Variants in ATF2 observed in about 807,000 individuals in gnomAD.
ATF2 encodes the protein activating transcription factor 2, also known as cyclic AMP-dependent transcription factor ATF-2.
In ATF2, 24 loss-of-function variants were observed where a neutral mutation model predicts 60.6. The observed-to-expected ratio is 0.40, with a 90% CI of 0.29 to 0.56. The LOEUF (loss-of-function observed/expected upper bound fraction) is 0.56. ATF2 is among the 20% of genes least tolerant of loss of function. ATF2 has a pLI of 0.54. For missense variants in ATF2, 433 were observed against 607.7 expected (o/e 0.71, Z 3.02); for synonymous variants, 206 against 215.4 (o/e 0.96, Z 0.38).
At chr2:175,107,444 T>C (rs1480769264) in intron 10 of ATF2, among the ~76,000 whole-genome samples, 2 of 152,154 alleles carry the variant, frequency 1.3e-5, no homozygotes, top group African/African-American at 4.8e-5. Flanking sequence ...TGAAAATATA[T>C]GGCCATGAAA....
At chr2:175,163,136 A>T (rs1023259291) in intron 1 of ATF2, among the ~76,000 whole-genome samples, 1 of 115,176 alleles carries the variant, frequency 8.7e-6, no homozygotes, top group African/African-American at 3.5e-5. Flanking sequence ...TCTGTCTCAA[A>T]AAATAAATAA....
At chr2:175,133,488 G>A (rs1395995626) in intron 3 of ATF2, among the ~76,000 whole-genome samples, 1 of 152,154 alleles carries the variant, frequency 6.6e-6, no homozygotes, top group East Asian at 1.9e-4. Context: ...CTTGACAACA[G>A]TAGTTTATCA....
chr2:175,123,421 G>A (rs1189460453), intron 4 of ATF2, among the ~76,000 whole-genome samples: 3 of 152,006 alleles, frequency 2.0e-5, no homozygotes, highest in Non-Finnish European at 4.4e-5. Flanking sequence ...GTGAATGAAT[G>A]CATTTTGGTG....
At chr2:175,107,705 G>C (rs564155066) in intron 10 of ATF2, among the ~76,000 whole-genome samples, 156 of 152,344 alleles carry the variant, frequency 1.0e-3, no homozygotes, top group African/African-American at 3.4e-3. Context: ...GCCTGCGATT[G>C]CAGGCGCGCG....
At chr2:175,128,449 G>A (rs1056146917) in intron 4 of ATF2, among the ~76,000 whole-genome samples, 2 of 151,262 alleles carry the variant, frequency 1.3e-5, no homozygotes, top group Non-Finnish European at 2.9e-5. Flanking sequence ...GTGGTGAGCC[G>A]AGATTGTGCC....
At chr2:175,131,342 G>A (rs912160747) in intron 3 of ATF2, among the ~76,000 whole-genome samples, 7 of 152,080 alleles carry the variant, frequency 4.6e-5, no homozygotes, top group African/African-American at 9.7e-5. Context: ...TTAAACAAAC[G>A]GAAAATCATC....
intron 2 of ATF2, among the ~76,000 whole-genome samples, chr2:175,137,684 A>C (rs1698233580): frequency 6.6e-6 from 1 of 152,022 alleles, no homozygotes. Context: ...GCTCTAGAAA[A>C]ACTTTCAGAG....
chr2:175,153,678 A>G (rs1034311226), intron 1 of ATF2, among the ~76,000 whole-genome samples: 1 of 151,870 alleles, frequency 6.6e-6, no homozygotes, highest in African/African-American at 2.4e-5. Flanking sequence ...AAAATACAAA[A>G]AATTAGCCGG....
intron 5 of ATF2, among the ~76,000 whole-genome samples, chr2:175,118,697 A>T (rs896926089): frequency 2.0e-5 from 3 of 151,686 alleles, no homozygotes; most frequent in Non-Finnish European, 3.0e-5. Flanking sequence ...AGAATTTTTT[A>T]AATTTACATT....
chr2:175,094,388 A>T (rs936806500), intron 11 of ATF2, among the ~76,000 whole-genome samples: 1 of 136,092 alleles, frequency 7.3e-6, no homozygotes, highest in Admixed American at 7.9e-5. Context: ...AGCGAGACTC[A>T]GTCTCAAAAA....
chr2:175,078,618 T>C (rs1362659821), intron 13 of ATF2, among the ~76,000 whole-genome samples: 1 of 152,154 alleles, frequency 6.6e-6, no homozygotes, highest in African/African-American at 2.4e-5. Context: ...CTTCCACCTT[T>C]ACTTGAAAGA....
At chr2:175,145,498 T>C (rs1301154634) in intron 2 of ATF2, among the ~76,000 whole-genome samples, 1 of 152,240 alleles carries the variant, frequency 6.6e-6, no homozygotes, top group Non-Finnish European at 1.5e-5. Flanking sequence ...GCTGAGCAGA[T>C]GCCAGTGCCA....
At chr2:175,099,648 T>C (rs1695178237) in intron 10 of ATF2, among the ~76,000 whole-genome samples, 1 of 152,230 alleles carries the variant, frequency 6.6e-6, no homozygotes, top group Non-Finnish European at 1.5e-5. Context: ...CACAATGCAG[T>C]TGAGATTCAC....
At chr2:175,083,711 T>C (rs935196573) in intron 12 of ATF2, among the ~76,000 whole-genome samples, 13 of 152,180 alleles carry the variant, frequency 8.5e-5, no homozygotes, top group Admixed American at 5.2e-4. Context: ...ACAGGCAACC[T>C]ACAAAATGGA....
chr2:175,080,614 T>G (rs748984680), intron 13 of ATF2, 46 bp downstream of exon 13: 20 of 1,455,592 alleles, frequency 1.4e-5, no homozygotes, highest in East Asian at 2.3e-5. Context: ...TCTGACGGTA[T>G]TTCACTGACG....
chr2:175,084,295 A>G (rs977145203), intron 12 of ATF2, among the ~76,000 whole-genome samples: 1 of 152,140 alleles, frequency 6.6e-6, no homozygotes, highest in Admixed American at 6.5e-5. Context: ...CATATACACC[A>G]TGGAATACTA....
chr2:175,164,340 C>T (rs1574523414), intron 1 of ATF2, among the ~76,000 whole-genome samples: 2 of 152,226 alleles, frequency 1.3e-5, no homozygotes, highest in African/African-American at 4.8e-5. Context: ...TCGAGATCAG[C>T]CTGGCCAACA....
In ATF2 at chr2:175,072,819, A is replaced by G. The variant is rs1388022475; in HGVS notation, c.*1790T>C. The G allele has an allele frequency of 6.6e-6, 1 of 152,194 alleles. No homozygotes were observed. Among genetic ancestry groups the G allele is most frequent in the African/African-American group, 2.4e-5 (1 of 41,466 alleles). 9.4% of individuals were successfully genotyped at this position (152,194 alleles called of 1,614,324 possible). The stretch of plus-strand genomic sequence containing the variant: ...AAAATTATCAAATAAAAATGCTCTC[A>G]TTTTAAAAAGCAAAACAATAAAATT... On this transcript the variant is annotated 3_prime_UTR_variant, in exon 14 of 14. Coordinates refer to ENST00000264110, the MANE Select transcript of ATF2 (RefSeq NM_001880.4).
chr2:175,084,146 T>C (rs1281795907), intron 12 of ATF2, among the ~76,000 whole-genome samples: 1 of 152,150 alleles, frequency 6.6e-6, no homozygotes, highest in Non-Finnish European at 1.5e-5. Context: ...TTACTGGGTA[T>C]ATACCCAAAG....
Sources: gnomAD v4.1 joint callset for allele counts (sites outside exome capture counted in the v4.1 genomes callset) on GRCh38, gnomAD v4.1.1 for gene constraint, MANE v1.5 for transcripts, NCBI Gene and HGNC (gene_info 2026-07-23, HGNC 2026-07-21) for gene names.